LRRC4C: variants seen among roughly 807,000 people sequenced by gnomAD.
LRRC4C encodes leucine-rich repeat-containing protein 4C.
LRRC4C carries 5 observed loss-of-function variants against 33.6 expected under a neutral mutation model. The observed-to-expected ratio is 0.15, with a 90% CI of 0.08 to 0.31. LRRC4C has a LOEUF of 0.31. LRRC4C is among the 10% of genes least tolerant of loss of function. The pLI is 1.00. For synonymous variants in LRRC4C, 329 were observed against 302.0 expected (o/e 1.09, Z -0.93); for missense variants, 560 against 796.7 (o/e 0.70, Z 3.58).
chr11:41,025,872 T>A (rs1856308713), intron 1 of LRRC4C, among the ~76,000 whole-genome samples: 1 of 151,744 alleles, frequency 6.6e-6, no homozygotes, highest in South Asian at 2.1e-4. Context: ...GTCTGGAAGA[T>A]AGCATATCTG....
At chr11:40,125,048 C>CA (rs1206069714) in intron 6 of LRRC4C, among the ~76,000 whole-genome samples, 3 of 151,936 alleles carry the variant, frequency 2.0e-5, no homozygotes, top group African/African-American at 7.2e-5. Flanking sequence ...AGGGCACACA[C>CA]AAAAAAGTAG....
chr11:40,704,563 G>A (rs1946049036), intron 2 of LRRC4C, among the ~76,000 whole-genome samples: 3 of 152,112 alleles, frequency 2.0e-5, no homozygotes, highest in Admixed American at 2.0e-4. Flanking sequence ...GTGTAGTGGT[G>A]AAGAGCAAGA....
chr11:40,450,287 T>C (rs1452208632), intron 3 of LRRC4C, among the ~76,000 whole-genome samples: 1 of 152,184 alleles, frequency 6.6e-6, no homozygotes, highest in East Asian at 1.9e-4. Flanking sequence ...CTAGGCAACA[T>C]ATTTTGTGTT....
At chr11:41,078,990 T>C (rs1168899006) in intron 1 of LRRC4C, among the ~76,000 whole-genome samples, 2 of 152,208 alleles carry the variant, frequency 1.3e-5, no homozygotes, top group Non-Finnish European at 2.9e-5. Context: ...AATTTTCTGT[T>C]TGTCATCCAG....
intron 5 of LRRC4C, among the ~76,000 whole-genome samples, chr11:40,178,133 C>T (rs1276161729): frequency 2.6e-5 from 4 of 152,222 alleles, no homozygotes; most frequent in African/African-American, 7.2e-5. Flanking sequence ...TAGGCCGCCA[C>T]GACATCTTAT....
chr11:40,782,451 T>G (rs1238029118), intron 2 of LRRC4C, among the ~76,000 whole-genome samples: 1 of 151,928 alleles, frequency 6.6e-6, no homozygotes, highest in Non-Finnish European at 1.5e-5. Context: ...CATACTTTTT[T>G]TTTTTTTCTA....
intron 1 of LRRC4C, among the ~76,000 whole-genome samples, chr11:41,222,227 A>G (rs886541782): frequency 2.0e-5 from 3 of 152,118 alleles, no homozygotes; most frequent in African/African-American, 7.2e-5. Flanking sequence ...ATCACTTAAG[A>G]CTGGGCACTC....
intron 1 of LRRC4C, among the ~76,000 whole-genome samples, chr11:41,137,647 T>C (rs1178818393): frequency 2.6e-5 from 4 of 152,148 alleles, no homozygotes; most frequent in Non-Finnish European, 4.4e-5. Flanking sequence ...CCAAAATATA[T>C]AATCAGATCT....
intron 3 of LRRC4C, among the ~76,000 whole-genome samples, chr11:40,327,885 C>T (rs1176169409): frequency 1.3e-5 from 2 of 151,894 alleles, no homozygotes; most frequent in Non-Finnish European, 2.9e-5. Context: ...AACTTTACAT[C>T]ACTTAGAAAA....
At chr11:40,169,555 A>T (rs1336571450) in intron 5 of LRRC4C, among the ~76,000 whole-genome samples, 2 of 152,182 alleles carry the variant, frequency 1.3e-5, no homozygotes, top group East Asian at 3.9e-4. Context: ...AGTATAGTAC[A>T]ACTATATATA....
intron 1 of LRRC4C, among the ~76,000 whole-genome samples, chr11:41,075,375 G>C (rs989791442): frequency 6.6e-6 from 1 of 152,132 alleles, no homozygotes; most frequent in African/African-American, 2.4e-5. Context: ...ATATATGCAA[G>C]TTGCTAGACA....
chr11:40,293,911 C>T (rs1375426822), intron 4 of LRRC4C: 1 of 152,390 alleles, frequency 6.6e-6, no homozygotes, highest in Non-Finnish European at 1.5e-5. Context: ...CCCTTCCATC[C>T]ACTTCGGTTT....
At chr11:40,335,195 CAA>C (rs1358926090) in intron 3 of LRRC4C, among the ~76,000 whole-genome samples, 3 of 152,038 alleles carry the variant, frequency 2.0e-5, no homozygotes, top group Non-Finnish European at 4.4e-5. Flanking sequence ...ACCCTGTACA[CAA>C]AAGTCAGAAT....
intron 2 of LRRC4C, among the ~76,000 whole-genome samples, chr11:40,700,763 A>G (rs1469486646): frequency 6.6e-6 from 1 of 152,190 alleles, no homozygotes; most frequent in Non-Finnish European, 1.5e-5. Flanking sequence ...TATTGGATCC[A>G]TTTTAACAAA....
At chr11:40,652,988 C>A (rs1434080470) in intron 2 of LRRC4C, among the ~76,000 whole-genome samples, 1 of 152,182 alleles carries the variant, frequency 6.6e-6, no homozygotes, top group Non-Finnish European at 1.5e-5. Context: ...TTATAAGCAT[C>A]TCATTCTCTC....
chr11:40,577,249 G>T (rs879758605), intron 3 of LRRC4C, among the ~76,000 whole-genome samples: 5 of 152,124 alleles, frequency 3.3e-5, no homozygotes, highest in Non-Finnish European at 7.4e-5. Flanking sequence ...TTTACCTAGT[G>T]GAAGATAAAG....
At chr11:41,128,204 T>A (rs923045145) in intron 1 of LRRC4C, among the ~76,000 whole-genome samples, 1 of 151,996 alleles carries the variant, frequency 6.6e-6, no homozygotes, top group African/African-American at 2.4e-5. Flanking sequence ...GGACATGAGG[T>A]TGTTATTATA....
intron 5 of LRRC4C, among the ~76,000 whole-genome samples, chr11:40,167,413 C>T (rs749233369): frequency 6.6e-6 from 1 of 152,026 alleles, no homozygotes; most frequent in Non-Finnish European, 1.5e-5. Flanking sequence ...TTAACTCCAG[C>T]TAAGATGTTT....
chr11:40,707,451 G>A (rs1253296945), intron 2 of LRRC4C, among the ~76,000 whole-genome samples: 1 of 152,160 alleles, frequency 6.6e-6, no homozygotes, highest in Non-Finnish European at 1.5e-5. Context: ...GGCCTTTTCT[G>A]CACCTATTGA....
Sources: allele counts gnomAD v4.1 joint callset (sites outside exome capture counted in the v4.1 genomes callset), GRCh38; gene constraint gnomAD v4.1.1; transcripts MANE v1.5; gene names NCBI Gene and HGNC (gene_info 2026-07-23, HGNC 2026-07-21).